Variants in NALCN observed in about 807,000 individuals in gnomAD.
NALCN encodes the protein sodium leak channel NALCN.
Under a neutral mutation model 225.3 loss-of-function variants are expected in NALCN, and 111 were observed. The ratio of observed to expected loss-of-function variants is 0.49; its 90% CI spans 0.42 to 0.58. The LOEUF (loss-of-function observed/expected upper bound fraction) is 0.58, where lower values mean the gene tolerates loss of function less well. NALCN is among the 20% of genes least tolerant of loss of function. NALCN has a pLI of 0.00. For synonymous variants in NALCN, 764 were observed against 769.0 expected (o/e 0.99, Z 0.11); for missense variants, 1,378 against 2,202.4 (o/e 0.63, Z 7.49).
At chr13:101,346,184 A>C (rs2045732390) in intron 6 of NALCN, among the ~76,000 whole-genome samples, 1 of 151,292 alleles carries the variant, frequency 6.6e-6, no homozygotes, top group Admixed American at 6.6e-5. Context: ...AATGATATTC[A>C]TAACATTAAT....
At chr13:101,100,983 T>G in intron 26 of NALCN, 95 bp from the exon 27 acceptor site, 3 of 959,222 alleles carry the variant, frequency 3.1e-6, no homozygotes, top group Non-Finnish European at 4.5e-6. Context: ...TAAGATAACA[T>G]TGTATAAAAA....
intron 6 of NALCN, among the ~76,000 whole-genome samples, chr13:101,364,202 C>T (rs1415226957): frequency 6.6e-6 from 1 of 152,026 alleles, no homozygotes; most frequent in African/African-American, 2.4e-5. Flanking sequence ...CTCTATGATC[C>T]AGCAATTTCA....
At chr13:101,110,807 A>G (rs2035388100) in intron 19 of NALCN, 119 bp from the exon 20 acceptor site, 3 of 981,488 alleles carry the variant, frequency 3.1e-6, no homozygotes, top group Middle Eastern at 2.1e-4. Context: ...AATGCCTATG[A>G]TTTCTTTTCA....
chr13:101,258,627 A>G (rs2042319676), intron 10 of NALCN, 53 bp from the exon 11 acceptor site: 1 of 1,609,958 alleles, frequency 6.2e-7, no homozygotes, highest in African/African-American at 1.3e-5. Context: ...CTCATGATTA[A>G]GTGTAATTGA....
intron 10 of NALCN, among the ~76,000 whole-genome samples, chr13:101,271,933 G>A (rs1008416679): frequency 1.3e-5 from 2 of 150,846 alleles, no homozygotes; most frequent in Non-Finnish European, 3.0e-5. Context: ...GTGTATGTAC[G>A]TGTGAAGTGT....
At chr13:101,397,607 G>C (rs897413816) in intron 2 of NALCN, among the ~76,000 whole-genome samples, 2 of 150,648 alleles carry the variant, frequency 1.3e-5, no homozygotes, top group Admixed American at 1.3e-4. Context: ...GTATATATGT[G>C]ATATACATAT....
intron 6 of NALCN, among the ~76,000 whole-genome samples, chr13:101,358,868 A>C (rs1250001768): frequency 1.3e-5 from 2 of 152,228 alleles, no homozygotes; most frequent in African/African-American, 4.8e-5. Context: ...GCAGCCATAA[A>C]AAGAAATGAG....
chr13:101,145,313 A>C (rs374605916), intron 15 of NALCN, among the ~76,000 whole-genome samples: 356 of 152,378 alleles, frequency 2.3e-3, no homozygotes, highest in African/African-American at 8.1e-3. Flanking sequence ...AATTAACTAC[A>C]GAATCATACT....
chr13:101,207,922 C>T (rs899816513), intron 13 of NALCN, among the ~76,000 whole-genome samples: 1 of 152,246 alleles, frequency 6.6e-6, no homozygotes, highest in Admixed American at 6.5e-5. Flanking sequence ...CCGCAAAGGT[C>T]TGCGGCTTCA....
At chr13:101,206,275 T>C (rs1375183119) in intron 13 of NALCN, among the ~76,000 whole-genome samples, 1 of 152,088 alleles carries the variant, frequency 6.6e-6, no homozygotes, top group Non-Finnish European at 1.5e-5. Flanking sequence ...ATTTCTCATT[T>C]CTCTTCACTA....
intron 3 of NALCN, among the ~76,000 whole-genome samples, chr13:101,392,014 A>C (rs552758746): frequency 1.1e-4 from 16 of 151,562 alleles, no homozygotes; most frequent in South Asian, 6.2e-4. Flanking sequence ...CAAAAAAAAA[A>C]CAAAAAATAA....
intron 6 of NALCN, among the ~76,000 whole-genome samples, chr13:101,369,663 G>A (rs1174500807): frequency 6.6e-6 from 1 of 152,146 alleles, no homozygotes; most frequent in African/African-American, 2.4e-5. Flanking sequence ...CTACACAGCT[G>A]CTTTCTTATC....
chr13:101,270,022 T>C (rs1226868570), intron 10 of NALCN, among the ~76,000 whole-genome samples: 1 of 152,190 alleles, frequency 6.6e-6, no homozygotes, highest in African/African-American at 2.4e-5. Flanking sequence ...AATCCAACCA[T>C]TATTTTTTTT....
chr13:101,205,154 A>G (rs1674891731), intron 13 of NALCN, among the ~76,000 whole-genome samples: 1 of 152,140 alleles, frequency 6.6e-6, no homozygotes, highest in Non-Finnish European at 1.5e-5. Context: ...TTAATAAAAC[A>G]AAGAACATAC....
At chr13:101,164,491 A>G (rs1370337653) in intron 15 of NALCN, among the ~76,000 whole-genome samples, 1 of 152,106 alleles carries the variant, frequency 6.6e-6, no homozygotes, top group Non-Finnish European at 1.5e-5. Context: ...GGGTCTCACT[A>G]TATTGCCCAG....
Position 101,083,793 on chromosome 13 carries a change from C to T in NALCN, c.3501G>A (p.Leu1167=), listed in dbSNP as rs747518861. Residue 1167 remains leucine (L), a synonymous_variant, in exon 31 of 44, where the codon TTG becomes TTA. Coordinates refer to ENST00000251127, the MANE Select transcript of NALCN (RefSeq NM_052867.4). ...ANFNENKGTA[L]LTVDQRRWED... is the part of the protein sequence containing the mutation. ...CCCATCTTCTCTGATCGACGGTCAG[C>T]AAAGCCGTCCCCTTAACAGACAAAA... The T allele has an allele frequency of 1.2e-6, 2 of 1,613,694 alleles. No individual in the cohort carries two copies. The highest frequency in any genetic ancestry group is 2.2e-5 in the South Asian group (2 of 91,056).
At chr13:101,216,010 C>G (rs1367737363) in intron 13 of NALCN, among the ~76,000 whole-genome samples, 1 of 151,962 alleles carries the variant, frequency 6.6e-6, no homozygotes, top group South Asian at 2.1e-4. Context: ...CTACCAGTAT[C>G]GAAGGGTAGG....
intron 7 of NALCN, among the ~76,000 whole-genome samples, chr13:101,302,901 T>C (rs1182948262): frequency 3.3e-5 from 5 of 152,112 alleles, no homozygotes; most frequent in Non-Finnish European, 5.9e-5. Flanking sequence ...GTTTTTTTTT[T>C]CCAATGTGCT....
At chr13:101,345,088 A>G (rs1299742149) in intron 7 of NALCN, among the ~76,000 whole-genome samples, 178 bp downstream of exon 7, 1 of 152,226 alleles carries the variant, frequency 6.6e-6, no homozygotes, top group African/African-American at 2.4e-5. Flanking sequence ...CACAGCTTGT[A>G]TGCTACGCAC....
Sources: allele counts gnomAD v4.1 joint callset (sites outside exome capture counted in the v4.1 genomes callset), GRCh38; gene constraint gnomAD v4.1.1; transcripts MANE v1.5; gene names NCBI Gene and HGNC (gene_info 2026-07-23, HGNC 2026-07-21).